The following CDH12 variants were observed in gnomAD, a reference collection of about 807,000 sequenced individuals.
CDH12 encodes the protein cadherin-12.
A neutral mutation model predicts 74.1 loss-of-function variants in CDH12; 41 were observed. That is an observed-to-expected ratio of 0.55 (90% CI 0.43 to 0.72). The LOEUF (loss-of-function observed/expected upper bound fraction) is 0.72, where lower values mean the gene tolerates loss of function less well. CDH12 is among the 30% of genes least tolerant of loss of function. The pLI, the probability that CDH12 is intolerant of heterozygous loss-of-function variation, is 0.00. For missense variants in CDH12, 945 were observed against 977.2 expected (o/e 0.97, Z 0.44); for synonymous variants, 399 against 355.0 (o/e 1.12, Z -1.39).
intron 1 of CDH12, among the ~76,000 whole-genome samples, chr5:22,537,525 C>T (rs1737905474): frequency 6.6e-6 from 1 of 152,080 alleles, no homozygotes; most frequent in Non-Finnish European, 1.5e-5. Flanking sequence ...ATAACATCTC[C>T]AACCAGAAAC....
rs182340892 is a variant in CDH12 at position 22,582,376 on chromosome 5, T to C, written c.-522-77012A>G. Among the ~76,000 whole-genome samples, 6 of 152,314 alleles carry C rather than the reference T, an allele frequency of 3.9e-5. No homozygotes were observed. The East Asian group carries it at 5.8e-4, about 15-fold the overall frequency. Reference sequence around the variant, plus strand: ...TTATGAATATGTCAAAATTAATTCATCCCTTTGTATGTTAATGGTCATTTG... The same window carrying C: ...TTATGAATATGTCAAAATTAATTCACCCCTTTGTATGTTAATGGTCATTTG... On this transcript the variant is annotated intron_variant, in intron 1 of 14. Transcript: ENST00000382254.
At chr5:22,782,178 G>T (rs1383598150) in intron 1 of CDH12, among the ~76,000 whole-genome samples, 1 of 152,152 alleles carries the variant, frequency 6.6e-6, no homozygotes, top group African/African-American at 2.4e-5. Context: ...GACCTTGGGG[G>T]ACTGTTGGGA....
chr5:22,534,446 A>G (rs1449826652), intron 1 of CDH12, among the ~76,000 whole-genome samples: 1 of 152,136 alleles, frequency 6.6e-6, no homozygotes, highest in African/African-American at 2.4e-5. Flanking sequence ...TGAGAACATA[A>G]GATGTTTGGT....
At chr5:22,610,621 A>T (rs1186366363) in intron 1 of CDH12, among the ~76,000 whole-genome samples, 1 of 150,630 alleles carries the variant, frequency 6.6e-6, no homozygotes, top group Non-Finnish European at 1.5e-5. Flanking sequence ...TACTGAATAA[A>T]ATCTCTCTCA....
chr5:22,675,178 G>C (rs1481033967), intron 1 of CDH12, among the ~76,000 whole-genome samples: 7 of 152,108 alleles, frequency 4.6e-5, no homozygotes, highest in African/African-American at 1.7e-4. Flanking sequence ...ACATGGTTTC[G>C]TGGGCCAGGC....
At chr5:22,632,050 A>C (rs1738612615) in intron 1 of CDH12, among the ~76,000 whole-genome samples, 1 of 152,176 alleles carries the variant, frequency 6.6e-6, no homozygotes, top group Non-Finnish European at 1.5e-5. Context: ...ACCAGACATC[A>C]GGATGTAGCA....
At chr5:22,244,780 G>GAA (rs754786187) in intron 3 of CDH12, among the ~76,000 whole-genome samples, 2 of 124,242 alleles carry the variant, frequency 1.6e-5, no homozygotes, top group Non-Finnish European at 3.7e-5. Context: ...AAGAAAGAAA[G>GAA]AAAGAAAGAA....
At chr5:22,584,081 A>AATTTATTTATTTATTTATTTATTT (rs3047309) in intron 1 of CDH12, among the ~76,000 whole-genome samples, 15 of 147,416 alleles carry the variant, frequency 1.0e-4, no homozygotes, top group South Asian at 2.2e-4. Flanking sequence ...TTGTTTGCGG[A>AATTTATTTATTTATTTATTTATTT]ATTTATTTAT....
At chr5:22,029,446 G>C (rs1476634641) in intron 5 of CDH12, among the ~76,000 whole-genome samples, 1 of 151,622 alleles carries the variant, frequency 6.6e-6, no homozygotes, top group East Asian at 1.9e-4. Context: ...TCAAAAAGTG[G>C]GCGAAGGATA....
chr5:22,017,863 A>C (rs1469213827), intron 5 of CDH12, among the ~76,000 whole-genome samples: 2 of 151,566 alleles, frequency 1.3e-5, no homozygotes, highest in Non-Finnish European at 2.9e-5. Flanking sequence ...GAGTTCAAGC[A>C]ATTCTCGTGC....
intron 6 of CDH12, among the ~76,000 whole-genome samples, chr5:21,943,579 A>G (rs1755437047): frequency 6.6e-6 from 1 of 152,208 alleles, no homozygotes; most frequent in Admixed American, 6.5e-5. Flanking sequence ...CATTAGGATT[A>G]CATACGGGTA....
intron 7 of CDH12, among the ~76,000 whole-genome samples, chr5:21,845,971 T>C (rs560958451): frequency 2.0e-5 from 3 of 152,232 alleles, no homozygotes; most frequent in East Asian, 3.9e-4. Context: ...CCAGCAGCTG[T>C]GCGGAGAGAA....
chr5:22,701,616 C>T (rs75259792), intron 1 of CDH12, among the ~76,000 whole-genome samples: 1,852 of 152,212 alleles, frequency 0.012, 12 homozygotes, highest in Middle Eastern at 0.034. Flanking sequence ...CAATATCTTT[C>T]ATGTCCTAAA....
chr5:22,005,012 C>A (rs934044122), intron 5 of CDH12, among the ~76,000 whole-genome samples: 2 of 152,044 alleles, frequency 1.3e-5, no homozygotes, highest in African/African-American at 4.8e-5. Context: ...ACCATATTTT[C>A]TTTTTTCTTT....
At chr5:22,353,458 T>C (rs1438513298) in intron 3 of CDH12, among the ~76,000 whole-genome samples, 3 of 152,200 alleles carry the variant, frequency 2.0e-5, no homozygotes, top group African/African-American at 7.2e-5. Context: ...TTGTAAATAG[T>C]TGCTAAATGG....
At chr5:21,939,047 G>A (rs1755207615) in intron 6 of CDH12, among the ~76,000 whole-genome samples, 2 of 151,038 alleles carry the variant, frequency 1.3e-5, no homozygotes, top group South Asian at 4.1e-4. Context: ...TCTTAATGGG[G>A]ATATAGACAA....
intron 8 of CDH12, among the ~76,000 whole-genome samples, chr5:21,824,853 A>T (rs1434328353): frequency 6.6e-6 from 1 of 152,116 alleles, no homozygotes; most frequent in Non-Finnish European, 1.5e-5. Context: ...AACATGCTTT[A>T]AAAGACTAAC....
At position 22,218,461 on chromosome 5, in the gene CDH12, A is replaced by G. The variant is rs567762816; in HGVS notation, c.-332-5818T>C. On this transcript the variant is annotated intron_variant, in intron 3 of 14. Coordinates refer to ENST00000382254, the MANE Select transcript of CDH12 (RefSeq NM_004061.5). ...GACCACAAAATGATTATGCTGATAT[A>G]AAACAAGCCAGAAACAAATACATTA... Among the ~76,000 whole-genome samples the G allele has an allele frequency of 8.5e-4, 129 of 151,902 alleles. 2 individuals are homozygous for G. Among genetic ancestry groups the G allele is most frequent in the South Asian group, 7.0e-3 (34 of 4,830 alleles).
chr5:22,788,254 C>T (rs752804317), intron 1 of CDH12, among the ~76,000 whole-genome samples: 2 of 152,010 alleles, frequency 1.3e-5, no homozygotes, highest in Admixed American at 1.3e-4. Flanking sequence ...TTCTTAAAAG[C>T]AGTTGTTACC....
Sources: allele counts gnomAD v4.1 joint callset (sites outside exome capture counted in the v4.1 genomes callset), GRCh38; gene constraint gnomAD v4.1.1; transcripts MANE v1.5; gene names NCBI Gene and HGNC (gene_info 2026-07-23, HGNC 2026-07-21).